The following PUDP variants were observed in gnomAD, a reference collection of about 807,000 sequenced individuals.
PUDP encodes pseudouridine-5'-phosphatase.
Under a neutral mutation model 9.4 loss-of-function variants are expected in PUDP, and 8 were observed. That is an observed-to-expected ratio of 0.85 (90% confidence interval 0.50 to 1.53). PUDP has a LOEUF of 1.53. PUDP is among the 40% of genes most tolerant of loss of function. PUDP has a pLI of 0.00. For missense variants in PUDP, 188 were observed against 189.7 expected (o/e 0.99, Z 0.05); for synonymous variants, 99 against 80.7 (o/e 1.23, Z -1.22).
rs150588556 is a variant in PUDP, at chrX:6,986,632, T to A, written c.205-8289A>T. Among the ~76,000 whole-genome samples the A allele has an allele frequency of 7.5e-4, 84 of 111,589 alleles. No individual in the cohort carries two copies. The East Asian group carries it at 0.02, about 26-fold the overall frequency. ...TTAACTTGACTGCAAAGTGGAAAAC[T>A]CAAGAAGTTGCCCAGGGCTCGGGTC... On this transcript the variant is annotated intron_variant and NMD_transcript_variant, in intron 1 of 3. Transcript: ENST00000655425.
At chrX:6,865,652 ATAAC>A (rs1302139825) in intron 3 of PUDP, among the ~76,000 whole-genome samples, 3 of 111,939 alleles carry the variant, frequency 2.7e-5, no homozygotes, top group Non-Finnish European at 5.6e-5. Flanking sequence ...ACAAAAGAAA[ATAAC>A]TAATTGCCAT....
intron 3 of PUDP, among the ~76,000 whole-genome samples, chrX:7,062,308 GCA>G (rs1389396926): frequency 8.9e-6 from 1 of 111,747 alleles, no homozygotes; most frequent in Non-Finnish European, 1.9e-5. Context: ...CCTGTTTGAG[GCA>G]CACAGTCCTC....
chrX:6,960,569 C>T (rs777616440), intron 3 of PUDP, among the ~76,000 whole-genome samples: 115 of 112,126 alleles, frequency 1.0e-3, no homozygotes, highest in African/African-American at 3.3e-3. Flanking sequence ...CATTTCTGTT[C>T]TTTATAAATT....
chrX:7,147,815 C>A, intron 1 of PUDP: 1 of 128,142 alleles, frequency 7.8e-6, no homozygotes. Context: ...GAAGCGGGTG[C>A]TGGGGCCGCG....
rs142930569 is a variant in PUDP at position 6,830,593 on chromosome X, T to C, written c.*248-124127A>G. On this transcript the variant is annotated intron_variant and NMD_transcript_variant, in intron 3 of 3. Coordinates refer to the PUDP transcript ENST00000655425. Reference sequence around the variant, plus strand: ...CATTTTTTATAACCAAATAGACTTCTCAAAAATAAAATCTGTCTCAATTCA... The same window carrying C: ...CATTTTTTATAACCAAATAGACTTCCCAAAAATAAAATCTGTCTCAATTCA... 8.2e-3 allele frequency among the ~76,000 whole-genome samples: 916 copies of C among 111,858 alleles called. 11 individuals carry two copies. The highest frequency in any genetic ancestry group is 0.028 in the African/African-American group (863 of 30,838).
chrX:7,096,743 A>T (rs1238098460), intron 2 of PUDP, among the ~76,000 whole-genome samples: 1 of 111,386 alleles, frequency 9.0e-6, no homozygotes, highest in Non-Finnish European at 1.9e-5. Flanking sequence ...AGCTGAGGTG[A>T]AAGCATTGCT....
chrX:6,830,864 C>T (rs191710247), intron 3 of PUDP, among the ~76,000 whole-genome samples: 1 of 112,043 alleles, frequency 8.9e-6, no homozygotes, highest in Non-Finnish European at 1.9e-5. Context: ...TCTCCTTGCC[C>T]GCTGCCTAGA....
chrX:6,719,332 C>A (rs777213995), intron 1 of PUDP, among the ~76,000 whole-genome samples: 2 of 111,305 alleles, frequency 1.8e-5, no homozygotes, highest in African/African-American at 6.5e-5. Flanking sequence ...CTCATTTGAA[C>A]CTAATTACCT....
At chrX:6,948,587 C>T (rs778335779) in intron 3 of PUDP, among the ~76,000 whole-genome samples, 15 of 112,031 alleles carry the variant, frequency 1.3e-4, no homozygotes, top group African/African-American at 4.9e-4. Context: ...CCAACAAGCT[C>T]CCAGGTGAAG....
chrX:6,959,935 A>G (rs950043247), intron 3 of PUDP, among the ~76,000 whole-genome samples: 7 of 112,299 alleles, frequency 6.2e-5, no homozygotes, highest in African/African-American at 1.3e-4. Context: ...ACAAATACCT[A>G]TTTCTTCCTT....
At chrX:7,111,350 T>C (rs2146904866) in intron 1 of PUDP, among the ~76,000 whole-genome samples, 1 of 111,427 alleles carries the variant, frequency 9.0e-6, no homozygotes, top group South Asian at 3.8e-4. Flanking sequence ...ACCTAGGGCT[T>C]TGGGGACCCA....
intron 3 of PUDP, among the ~76,000 whole-genome samples, chrX:6,790,149 G>T (rs1382390774): frequency 9.0e-6 from 1 of 111,622 alleles, no homozygotes. Context: ...ATGTAGATAG[G>T]TAGATAGAGA....
At chrX:7,137,624 A>G (rs1315825041) in intron 1 of PUDP, among the ~76,000 whole-genome samples, 1 of 112,268 alleles carries the variant, frequency 8.9e-6, no homozygotes, top group Non-Finnish European at 1.9e-5. Context: ...GTGTCCTTCA[A>G]TCTCATGAGC....
At chrX:6,928,467 G>A (rs1374954522) in intron 3 of PUDP, among the ~76,000 whole-genome samples, 1 of 111,545 alleles carries the variant, frequency 9.0e-6, no homozygotes, top group Non-Finnish European at 1.9e-5. Flanking sequence ...GGAATAGCTT[G>A]TGAAATCTCC....
chrX:6,729,036 G>A (rs1369012634), intron 3 of PUDP, among the ~76,000 whole-genome samples: 1 of 111,635 alleles, frequency 9.0e-6, no homozygotes, highest in African/African-American at 3.3e-5. Flanking sequence ...GGTGTTTGGG[G>A]GAGGAAGATC....
At chrX:6,782,292 G>A (rs1401067901) in intron 3 of PUDP, among the ~76,000 whole-genome samples, 3 of 111,256 alleles carry the variant, frequency 2.7e-5, no homozygotes, top group Non-Finnish European at 5.7e-5. Flanking sequence ...TCTAATTGCC[G>A]GGCACAGTGG....
At chrX:6,815,514 G>A (rs186051778) in intron 3 of PUDP, among the ~76,000 whole-genome samples, 1 of 111,754 alleles carries the variant, frequency 8.9e-6, no homozygotes, top group African/African-American at 3.2e-5. Context: ...TAAAGAATTT[G>A]TCAAAAAAAC....
intron 3 of PUDP, among the ~76,000 whole-genome samples, chrX:7,068,206 T>C (rs1372333758): frequency 8.9e-6 from 1 of 112,458 alleles, no homozygotes; most frequent in African/African-American, 3.2e-5. Context: ...TAAATTCTAA[T>C]AAGAAATGAC....
chrX:6,706,996 G>A (rs1840001279), intron 1 of PUDP, among the ~76,000 whole-genome samples: 1 of 111,363 alleles, frequency 9.0e-6, no homozygotes. Flanking sequence ...GGGATGAGGA[G>A]GGATCTTTTC....
Sources: gnomAD v4.1 joint callset for allele counts (sites outside exome capture counted in the v4.1 genomes callset) on GRCh38, gnomAD v4.1.1 for gene constraint, MANE v1.5 for transcripts, NCBI Gene and HGNC (gene_info 2026-07-23, HGNC 2026-07-21) for gene names.